Variants in FYB2 observed in about 807,000 individuals in gnomAD.
FYB2 encodes the protein FYN binding protein 2.
A neutral mutation model predicts 94.1 loss-of-function variants in FYB2; 103 were observed. That is an observed-to-expected ratio of 1.09 (90% CI 0.93 to 1.29). The LOEUF is 1.29. Ranked by LOEUF, FYB2 falls within the 50% of genes most tolerant of loss-of-function variation. The probability of loss-of-function intolerance (pLI) is 0.00; values close to 1 mark genes in which losing one functional copy is unlikely to be tolerated. For synonymous variants in FYB2, 293 were observed against 287.9 expected, an observed-to-expected ratio of 1.02 and a Z score of -0.18; for missense variants, 896 against 841.5, an observed-to-expected ratio of 1.06 and a Z score of -0.80.
chr1:56,721,054 A>G (rs140860070), intron 17 of FYB2, among the ~76,000 whole-genome samples: 194 of 152,246 alleles, frequency 1.3e-3, no homozygotes, highest in Non-Finnish European at 2.1e-3. Context: ...AATTGACTGT[A>G]TCCAGTTGGG....
chr1:56,739,851 C>T (rs747946659), intron 13 of FYB2, among the ~76,000 whole-genome samples: 7 of 152,038 alleles, frequency 4.6e-5, no homozygotes, highest in East Asian at 1.9e-4. Context: ...CTAGGCTAAG[C>T]GATGATGTTT....
intron 4 of FYB2, among the ~76,000 whole-genome samples, chr1:56,785,974 G>T (rs1045591925): frequency 3.9e-5 from 6 of 152,182 alleles, no homozygotes; most frequent in African/African-American, 1.4e-4. Context: ...ACACAGTAAA[G>T]GCTTGAAAAG....
At chr1:56,813,303 G>A (rs1403227814) in intron 1 of FYB2, among the ~76,000 whole-genome samples, 1 of 151,938 alleles carries the variant, frequency 6.6e-6, no homozygotes, top group African/African-American at 2.4e-5. Flanking sequence ...ACATGGCTGG[G>A]GAAGCCTCAC....
At chr1:56,734,995 C>A (rs1368410124) in intron 15 of FYB2, among the ~76,000 whole-genome samples, 2 of 151,874 alleles carry the variant, frequency 1.3e-5, no homozygotes, top group African/African-American at 4.8e-5. Context: ...ATAGGAAATT[C>A]TCTTCATTCT....
intron 1 of FYB2, among the ~76,000 whole-genome samples, chr1:56,814,615 G>A (rs1489757636): frequency 6.6e-6 from 1 of 152,100 alleles, no homozygotes; most frequent in Non-Finnish European, 1.5e-5. Flanking sequence ...TTGGACTTGT[G>A]ACTAATTGTG....
At chr1:56,724,583 A>G (rs547797878) in intron 16 of FYB2, among the ~76,000 whole-genome samples, 1 of 152,162 alleles carries the variant, frequency 6.6e-6, no homozygotes, top group Non-Finnish European at 1.5e-5. Context: ...ATCTGCCTGC[A>G]GAGTCATTTT....
upstream of FYB2, chr1:56,819,679 G>T (rs150882359): frequency 1.1e-3 from 430 of 376,866 alleles, 4 homozygotes; most frequent in African/African-American, 8.2e-3. Context: ...AATGGGGATG[G>T]CAGGCTCCTG....
chr1:56,818,527 C>T (rs1379076377), intron 1 of FYB2, among the ~76,000 whole-genome samples: 1 of 151,300 alleles, frequency 6.6e-6, no homozygotes, highest in Admixed American at 6.6e-5. Context: ...AAGAAACTGA[C>T]TTACTGAAGA....
intron 2 of FYB2, among the ~76,000 whole-genome samples, chr1:56,790,344 A>G (rs1385909371): frequency 6.6e-6 from 1 of 152,220 alleles, no homozygotes; most frequent in South Asian, 2.1e-4. Context: ...AATTACAAGT[A>G]GCGTTGTCAA....
chr1:56,724,860 A>T (rs1644554056), intron 16 of FYB2, among the ~76,000 whole-genome samples: 1 of 151,918 alleles, frequency 6.6e-6, no homozygotes. Flanking sequence ...TTGGTCCCTA[A>T]TGTTGGAGGT....
intron 9 of FYB2, among the ~76,000 whole-genome samples, chr1:56,749,535 T>C (rs1271071837): frequency 6.6e-6 from 1 of 152,034 alleles, no homozygotes; most frequent in Non-Finnish European, 1.5e-5. Flanking sequence ...ATTTTTTCCT[T>C]TTCAAATATT....
intron 5 of FYB2, among the ~76,000 whole-genome samples, chr1:56,766,114 G>A (rs372794444): frequency 1.8e-3 from 274 of 152,310 alleles, no homozygotes; most frequent in African/African-American, 6.2e-3. Context: ...GTGGTCTGTA[G>A]ACCAGCAGCA....
In FYB2 at chr1:56,767,828, C is replaced by A. The variant is rs748845047; in HGVS notation, c.1063+1G>T. On this transcript the variant is annotated splice_donor_variant, in intron 5 of 19. Transcript: ENST00000343433. LOFTEE classifies it high-confidence loss of function. Reference sequence around the variant, plus strand: ...ACTATTAATTGGCTTAGCAGACTTACGATCAGCAATTTCTTTTGCAGTGCA... The same window carrying A: ...ACTATTAATTGGCTTAGCAGACTTAAGATCAGCAATTTCTTTTGCAGTGCA... 6.3e-7 allele frequency: 1 copy of A among 1,591,410 alleles called. No homozygotes were observed. Among genetic ancestry groups the A allele is most frequent in the East Asian group, 2.2e-5 (1 of 44,768 alleles).
At chr1:56,750,801 G>A (rs1331472382) in intron 9 of FYB2, among the ~76,000 whole-genome samples, 1 of 151,980 alleles carries the variant, frequency 6.6e-6, no homozygotes, top group Non-Finnish European at 1.5e-5. Flanking sequence ...AAATTGAGTT[G>A]CAGGAATATG....
chr1:56,824,235 C>G (rs1647010841), upstream of FYB2: 1 of 152,206 alleles, frequency 6.6e-6, no homozygotes, highest in Non-Finnish European at 1.5e-5. Context: ...GTCGAGGAGT[C>G]TGGAGCAAGA....
chr1:56,769,134 G>C (rs547583615), intron 4 of FYB2, among the ~76,000 whole-genome samples: 33 of 152,182 alleles, frequency 2.2e-4, no homozygotes, highest in Middle Eastern at 6.8e-3. Flanking sequence ...AACCTCCCAG[G>C]CTCAAGCAAT....
At chr1:56,752,507 G>A (rs1292613974) in intron 8 of FYB2, among the ~76,000 whole-genome samples, 1 of 152,042 alleles carries the variant, frequency 6.6e-6, no homozygotes, top group Non-Finnish European at 1.5e-5. Context: ...TGAGTTTTGG[G>A]TGGAATCTTA....
chr1:56,822,745 T>C (rs1418244527), upstream of FYB2, among the ~76,000 whole-genome samples: 2 of 10,736 alleles, frequency 1.9e-4, no homozygotes, highest in South Asian at 0.011. Context: ...AATACCCCGA[T>C]GTAAAAAAAA....
rs139783108 is a variant in FYB2, at chr1:56,795,657, G to A, written c.10-2854C>T. On this transcript the variant is annotated intron_variant, in intron 1 of 19. Transcript: ENST00000343433. Reference sequence around the variant, plus strand: ...CCAACACTTTTTTTTTTTTACAATAGCCATCCTAATGGTTATGAGTTTGTC... The same window carrying A: ...CCAACACTTTTTTTTTTTTACAATAACCATCCTAATGGTTATGAGTTTGTC... 7.1e-4 allele frequency among the ~76,000 whole-genome samples: 107 copies of A among 150,934 alleles called. 1 individual carries two copies. Among genetic ancestry groups the A allele is most frequent in the African/African-American group, 2.4e-3 (97 of 41,058 alleles).
Sources: gnomAD v4.1 joint callset for allele counts (sites outside exome capture counted in the v4.1 genomes callset) on GRCh38, gnomAD v4.1.1 for gene constraint, MANE v1.5 for transcripts, NCBI Gene and HGNC (gene_info 2026-07-23, HGNC 2026-07-21) for gene names.